The following MTSS1 variants were observed in gnomAD, a reference collection of about 807,000 sequenced individuals.
MTSS1 encodes protein MTSS 1.
MTSS1 carries 18 observed loss-of-function variants against 79.0 expected under a neutral mutation model. The ratio of observed to expected loss-of-function variants is 0.23; its 90% CI spans 0.16 to 0.34. The LOEUF (loss-of-function observed/expected upper bound fraction) is 0.34. Ranked by LOEUF, MTSS1 falls within the 10% of genes least tolerant of loss-of-function variation. MTSS1 has a pLI of 1.00. For synonymous variants in MTSS1, 341 were observed against 368.6 expected (o/e 0.93, Z 0.86); for missense variants, 815 against 986.2 (o/e 0.83, Z 2.33).
At chr8:124,640,177 C>A (rs1050010275) in intron 3 of MTSS1, among the ~76,000 whole-genome samples, 12 of 152,310 alleles carry the variant, frequency 7.9e-5, no homozygotes, top group Middle Eastern at 3.4e-3. Flanking sequence ...ACAAACCCAG[C>A]CTTCTTGATT....
At chr8:124,624,095 G>A (rs868092070) in intron 3 of MTSS1, among the ~76,000 whole-genome samples, 1 of 152,196 alleles carries the variant, frequency 6.6e-6, no homozygotes, top group Non-Finnish European at 1.5e-5. Context: ...TAAAACAAAG[G>A]AGAGAGGCTT....
chr8:124,567,020 G>T, intron 8 of MTSS1, 51 bp downstream of exon 8: 1 of 1,432,560 alleles, frequency 7.0e-7, no homozygotes, highest in Non-Finnish European at 9.8e-7. Context: ...AGGGCCTTGA[G>T]CTTTTACCTC....
At chr8:124,659,091 C>A (rs562250963) in intron 3 of MTSS1, among the ~76,000 whole-genome samples, 2 of 152,282 alleles carry the variant, frequency 1.3e-5, no homozygotes, top group Middle Eastern at 3.4e-3. Flanking sequence ...AACCTGCCAA[C>A]TGAACTCAGT....
chr8:124,652,096 A>T (rs1172881327), intron 3 of MTSS1, among the ~76,000 whole-genome samples: 1 of 152,232 alleles, frequency 6.6e-6, no homozygotes, highest in African/African-American at 2.4e-5. Flanking sequence ...CTCCCTGTTT[A>T]GTAAGAATCA....
At chr8:124,556,561 CT>C in intron 11 of MTSS1, 156 bp from the exon 12 acceptor site, 1 of 795,208 alleles carries the variant, frequency 1.3e-6, no homozygotes, top group Non-Finnish European at 1.9e-6. Flanking sequence ...CCTCTCCAGG[CT>C]CTAAAGGGCA....
At chr8:124,601,861 G>A (rs1302734890) in intron 3 of MTSS1, among the ~76,000 whole-genome samples, 3 of 152,288 alleles carry the variant, frequency 2.0e-5, no homozygotes, top group Admixed American at 1.3e-4. Context: ...AATCGCACTG[G>A]CATGTTTCAG....
At chr8:124,688,051 A>G (rs1252835291) in intron 3 of MTSS1, among the ~76,000 whole-genome samples, 2 of 152,150 alleles carry the variant, frequency 1.3e-5, no homozygotes, top group African/African-American at 4.8e-5. Flanking sequence ...GGGCCCTAGC[A>G]CACACAGCAG....
chr8:124,598,241 G>A (rs1379473306), intron 3 of MTSS1, among the ~76,000 whole-genome samples: 3 of 152,162 alleles, frequency 2.0e-5, no homozygotes, highest in African/African-American at 7.2e-5. Context: ...GCTACAGTGA[G>A]CTATGATCAC....
chr8:124,565,589 G>T, intron 9 of MTSS1, 73 bp downstream of exon 9: 2 of 1,271,584 alleles, frequency 1.6e-6, no homozygotes, highest in Non-Finnish European at 2.3e-6. Context: ...ATAAGGACTG[G>T]CTCCATTGCT....
At chr8:124,722,620 T>G (rs2135831687) in intron 1 of MTSS1, among the ~76,000 whole-genome samples, 1 of 152,330 alleles carries the variant, frequency 6.6e-6, no homozygotes, top group East Asian at 1.9e-4. Flanking sequence ...CTCTCCTGTT[T>G]GCTACTTAAT....
chr8:124,640,604 C>T (rs568760979), intron 3 of MTSS1, among the ~76,000 whole-genome samples: 32 of 152,176 alleles, frequency 2.1e-4, no homozygotes, highest in Non-Finnish European at 3.5e-4. Context: ...AGTGCAATGG[C>T]GTGATCTCAG....
rs1358709598 is a variant in MTSS1, at chr8:124,582,267, T to C, written c.460+2820A>G. 1.3e-5 allele frequency among the ~76,000 whole-genome samples: 2 copies of C among 152,136 alleles called. No individual in the cohort carries two copies. The highest frequency in any genetic ancestry group is 4.8e-5 in the African/African-American group (2 of 41,426). Reference sequence around the variant, plus strand: ...GATAAAACCTACCAAAGGCAAACCATTGAAAGTTTCTTGAAGGAAATATTT... The same window carrying C: ...GATAAAACCTACCAAAGGCAAACCACTGAAAGTTTCTTGAAGGAAATATTT... On this transcript the variant is annotated intron_variant, in intron 6 of 13. Coordinates refer to ENST00000518547, the MANE Select transcript of MTSS1 (RefSeq NM_014751.6). The surrounding 1 kb of genome is among the most constrained non-coding windows in gnomAD (Gnocchi z 4.8).
At position 124,617,220 on chromosome 8, in the gene MTSS1, C is replaced by G. The variant is rs528347998; in HGVS notation, c.209-25985G>C. On this transcript the variant is annotated intron_variant, in intron 3 of 13. Transcript: ENST00000518547. ...AATGATTTTCAGGCAGGCGGGGCAA[C>G]TCTTTCTTTGCTGTTCTGTGAAGGA... Among the ~76,000 whole-genome samples the G allele has an allele frequency of 2.9e-4, 44 of 152,270 alleles. No individual in the cohort carries two copies. The South Asian group carries it at 7.0e-3, about 24-fold the overall frequency.
In MTSS1 at chr8:124,722,813, G is replaced by T. The variant is rs546491326; in HGVS notation, c.72+5071C>A. Among the ~76,000 whole-genome samples the T allele has an allele frequency of 2.6e-5, 4 of 152,248 alleles. No individual in the cohort carries two copies. The East Asian group carries it at 7.7e-4, about 29-fold the overall frequency. On this transcript the variant is annotated intron_variant, in intron 1 of 13. Coordinates refer to ENST00000518547, the MANE Select transcript of MTSS1 (RefSeq NM_014751.6). ...TTTTGCAGAGGTGTGGGTTTTTGGG[G>T]TAAGTGTCCTGAAGGCAGTTCCGAG...
intron 3 of MTSS1, among the ~76,000 whole-genome samples, chr8:124,631,620 T>G (rs1815971427): frequency 6.6e-6 from 1 of 152,122 alleles, no homozygotes; most frequent in Non-Finnish European, 1.5e-5. Flanking sequence ...ATTTCTCTGA[T>G]CCCCTCCATA....
At chr8:124,716,109 C>T (rs768407778) in intron 1 of MTSS1, among the ~76,000 whole-genome samples, 8 of 152,134 alleles carry the variant, frequency 5.3e-5, no homozygotes, top group Non-Finnish European at 1.0e-4. Flanking sequence ...GAGACCAAAG[C>T]GTTGAGGAAC....
intron 6 of MTSS1, 80 bp from the exon 7 acceptor site, chr8:124,568,616 G>T: frequency 6.3e-7 from 1 of 1,592,012 alleles, no homozygotes; most frequent in Non-Finnish European, 8.6e-7. Flanking sequence ...TGGGGTCCTT[G>T]CTGGAGTCAA....
chr8:124,656,980 C>T (rs761711184), intron 3 of MTSS1, among the ~76,000 whole-genome samples: 1 of 151,540 alleles, frequency 6.6e-6, no homozygotes. Flanking sequence ...GGCATTTTTA[C>T]GAAAACAGGA....
chr8:124,694,782 C>T (rs1828529476), intron 3 of MTSS1, among the ~76,000 whole-genome samples: 1 of 152,090 alleles, frequency 6.6e-6, no homozygotes, highest in African/African-American at 2.4e-5. Context: ...GAAGCAGAGA[C>T]CCTGCTCCAC....
Sources: allele counts gnomAD v4.1 joint callset (sites outside exome capture counted in the v4.1 genomes callset), GRCh38; gene constraint gnomAD v4.1.1; non-coding constraint Gnocchi (gnomAD v3.1); transcripts MANE v1.5; gene names NCBI Gene and HGNC (gene_info 2026-07-23, HGNC 2026-07-21).